DOP1A: variants seen among roughly 807,000 people sequenced by gnomAD.
DOP1A encodes the protein DOP1 leucine zipper like protein A, also known as protein DOP1A.
DOP1A carries 90 observed loss-of-function variants against 267.6 expected under a neutral mutation model. That is an observed-to-expected ratio of 0.34 (90% CI 0.28 to 0.40). DOP1A has a LOEUF of 0.40. Ranked by LOEUF, DOP1A falls within the 10% of genes least tolerant of loss-of-function variation. The pLI is 1.00. For synonymous variants in DOP1A, 932 were observed against 999.1 expected, an observed-to-expected ratio of 0.93 and a Z score of 1.27; for missense variants, 2,437 against 2,900.4, an observed-to-expected ratio of 0.84 and a Z score of 3.67.
chr6:83,121,449 C>T (rs959390175), intron 10 of DOP1A, among the ~76,000 whole-genome samples: 2 of 151,548 alleles, frequency 1.3e-5, no homozygotes, highest in Non-Finnish European at 3.0e-5. Context: ...TTAAGGAAAT[C>T]TGTAATAGCA....
At chr6:83,103,431 T>G (rs1772970490) in intron 4 of DOP1A, among the ~76,000 whole-genome samples, 1 of 152,106 alleles carries the variant, frequency 6.6e-6, no homozygotes, top group South Asian at 2.1e-4. Context: ...AAATCTCCAC[T>G]AAAGAACTTA....
intron 38 of DOP1A, 92 bp from the exon 39 acceptor site, chr6:83,167,770 T>C: frequency 2.7e-6 from 4 of 1,455,868 alleles, no homozygotes; most frequent in Non-Finnish European, 3.6e-6. Flanking sequence ...ATTCATTTCT[T>C]GACCAATTGC....
chr6:83,089,046 C>A (rs1265030853), intron 1 of DOP1A, among the ~76,000 whole-genome samples: 1 of 152,122 alleles, frequency 6.6e-6, no homozygotes, highest in African/African-American at 2.4e-5. Context: ...AATTTATATT[C>A]TTGGGATGTG....
intron 8 of DOP1A, among the ~76,000 whole-genome samples, chr6:83,119,216 TA>T (rs1202696242): frequency 6.6e-6 from 1 of 152,174 alleles, no homozygotes; most frequent in Non-Finnish European, 1.5e-5. Flanking sequence ...CCCTTGTCCT[TA>T]ACAAGATGTT....
chr6:83,084,222 T>C (rs1404981436), intron 1 of DOP1A, among the ~76,000 whole-genome samples: 3 of 152,226 alleles, frequency 2.0e-5, no homozygotes, highest in Non-Finnish European at 4.4e-5. Context: ...ACTTTTCTAT[T>C]TTTAGGTACA....
At chr6:83,123,075 A>G in intron 12 of DOP1A, 93 bp downstream of exon 12, 1 of 1,330,468 alleles carries the variant, frequency 7.5e-7, no homozygotes, top group Non-Finnish European at 1.0e-6. Flanking sequence ...ATGTTCTTTT[A>G]TACATTCTAT....
At chr6:83,111,260 T>C (rs559240882) in intron 6 of DOP1A, among the ~76,000 whole-genome samples, 26 of 152,086 alleles carry the variant, frequency 1.7e-4, no homozygotes, top group Non-Finnish European at 3.4e-4. Flanking sequence ...TGTGTTCACA[T>C]ACCATTAATC....
downstream of DOP1A, chr6:83,170,293 A>G (rs1786834896): frequency 6.2e-7 from 1 of 1,613,654 alleles, no homozygotes; most frequent in African/African-American, 1.3e-5. Flanking sequence ...CAATAGAACT[A>G]TCCCAGCTTA....
chr6:83,070,919 T>G (rs1785481114), intron 1 of DOP1A, among the ~76,000 whole-genome samples: 1 of 152,268 alleles, frequency 6.6e-6, no homozygotes, highest in South Asian at 2.1e-4. Flanking sequence ...AATATTTCTT[T>G]ATATCAATGT....
At chr6:83,089,800 T>G (rs1770001324) in intron 1 of DOP1A, among the ~76,000 whole-genome samples, 1 of 152,188 alleles carries the variant, frequency 6.6e-6, no homozygotes, top group Non-Finnish European at 1.5e-5. Flanking sequence ...ATGTAAATGT[T>G]TGATATAACG....
At chr6:83,147,075 G>C (rs1200962523) in intron 25 of DOP1A, among the ~76,000 whole-genome samples, 161 bp from the exon 26 acceptor site, 2 of 152,160 alleles carry the variant, frequency 1.3e-5, no homozygotes, top group South Asian at 2.1e-4. Context: ...TTTTCCTACT[G>C]AGTGGAAGAG....
At chr6:83,116,643 T>G (rs1188468776) in intron 7 of DOP1A, among the ~76,000 whole-genome samples, 1 of 152,052 alleles carries the variant, frequency 6.6e-6, no homozygotes, top group African/African-American at 2.4e-5. Context: ...AACCCCATGC[T>G]CTAATAAAAA....
chr6:83,137,875 A>G lies in DOP1A; in HGVS notation c.3833A>G (p.Glu1278Gly), dbSNP rs1364084244. Residue 1278 changes from glutamate to glycine, a missense_variant, in exon 21 of 39, where the codon GAA becomes GGA. Glu to Gly is a moderately conservative substitution (Grantham distance 98). Coordinates refer to ENST00000349129, the MANE Select transcript of DOP1A (RefSeq NM_015018.4). The part of the protein sequence containing the change: ...IQFSFKEKLS[E>G]KVSEKETIVK... Reference sequence around the variant, plus strand: ...TTCAGCTTCAAAGAAAAATTATCAGAAAAAGTTTCGGAGAAGGAAACAATA... The same window carrying G: ...TTCAGCTTCAAAGAAAAATTATCAGGAAAAGTTTCGGAGAAGGAAACAATA... The G allele has an allele frequency of 1.1e-5, 17 of 1,613,266 alleles. No homozygotes were observed. The highest frequency in any genetic ancestry group is 1.3e-5 in the Non-Finnish European group (15 of 1,179,844).
chr6:83,123,079 A>G (rs539749967), intron 12 of DOP1A, 97 bp downstream of exon 12: 30 of 1,306,966 alleles, frequency 2.3e-5, no homozygotes, highest in Non-Finnish European at 3.1e-5. Flanking sequence ...TCTTTTATAC[A>G]TTCTATTACT....
Position 83,110,339 on chromosome 6 carries a change from A to G in DOP1A, c.681+25A>G, listed in dbSNP as rs1416193295. ...GGTAGGTCTAAAAATATGGTTGCTC[A>G]TTTCACAAATATTTCTTTAGAGTCA... On this transcript the variant is annotated intron_variant, in intron 6 of 38. Transcript: ENST00000349129. 4 of 1,600,602 alleles carry G rather than the reference A, an allele frequency of 2.5e-6. No homozygotes were observed. The South Asian group carries it at 3.4e-5, about 14-fold the overall frequency.
At chr6:83,113,501 CAT>C (rs1173838820) in intron 7 of DOP1A, 80 bp downstream of exon 7, 14 of 1,143,318 alleles carry the variant, frequency 1.2e-5, no homozygotes, top group Middle Eastern at 2.0e-4. Flanking sequence ...TTTTTAAAGG[CAT>C]GTGTGTTGAA....
chr6:83,071,411 T>C (rs1284583362), intron 1 of DOP1A, among the ~76,000 whole-genome samples: 1 of 152,128 alleles, frequency 6.6e-6, no homozygotes, highest in Non-Finnish European at 1.5e-5. Flanking sequence ...TTCGCCATGT[T>C]GGTCACGCTG....
intron 38 of DOP1A, chr6:83,166,828 A>G: frequency 4.9e-6 from 5 of 1,010,434 alleles, no homozygotes; most frequent in Non-Finnish European, 5.9e-6. Context: ...AAAGTTTCTG[A>G]GCAACATCTG....
At chr6:83,072,134 G>C (rs952370600) in intron 1 of DOP1A, among the ~76,000 whole-genome samples, 1 of 152,096 alleles carries the variant, frequency 6.6e-6, no homozygotes, top group Admixed American at 6.6e-5. Context: ...AGTTTCGTAT[G>C]AACATACTGG....
Sources: gnomAD v4.1 joint callset for allele counts (sites outside exome capture counted in the v4.1 genomes callset) on GRCh38, gnomAD v4.1.1 for gene constraint, MANE v1.5 for transcripts, NCBI Gene and HGNC (gene_info 2026-07-23, HGNC 2026-07-21) for gene names.